The following OSBP2 variants were observed in gnomAD, a reference collection of about 807,000 sequenced individuals.
The protein encoded by OSBP2 is oxysterol binding protein 2.
Under a neutral mutation model 96.0 loss-of-function variants are expected in OSBP2, and 66 were observed. The observed-to-expected ratio is 0.69, with a 90% confidence interval of 0.56 to 0.84. The LOEUF is 0.84. Ranked by LOEUF, OSBP2 falls within the 40% of genes least tolerant of loss-of-function variation. The probability of loss-of-function intolerance (pLI) is 0.00; values close to 1 mark genes in which losing one functional copy is unlikely to be tolerated. For synonymous variants in OSBP2, 525 were observed against 520.9 expected (o/e 1.01, Z -0.11); for missense variants, 1,038 against 1,222.7 (o/e 0.85, Z 2.25).
chr22:30,740,293 C>T (rs12160625), intron 1 of OSBP2, among the ~76,000 whole-genome samples: 3,457 of 152,190 alleles, frequency 0.023, 135 homozygotes, highest in African/African-American at 0.078. Context: ...CAAGATCAGA[C>T]GAGCCAGTTT....
chr22:30,828,640 G>T (rs923740512), intron 2 of OSBP2, among the ~76,000 whole-genome samples: 1 of 152,216 alleles, frequency 6.6e-6, no homozygotes, highest in African/African-American at 2.4e-5. Flanking sequence ...GTGGATTGGG[G>T]GCACTGTATG....
intron 1 of OSBP2, among the ~76,000 whole-genome samples, chr22:30,739,370 C>T (rs754020832): frequency 2.6e-5 from 4 of 152,216 alleles, no homozygotes; most frequent in Non-Finnish European, 5.9e-5. Context: ...ACATTGGCCC[C>T]AGGTGCCTCC....
chr22:30,906,105 G>A, intron 13 of OSBP2, 36 bp downstream of exon 13: 1 of 1,159,260 alleles, frequency 8.6e-7, no homozygotes, highest in Non-Finnish European at 1.2e-6. Context: ...CGGAGGGGAG[G>A]AAAGGGGTGC....
At chr22:30,699,396 C>T (rs1243515855) in intron 1 of OSBP2, among the ~76,000 whole-genome samples, 3 of 152,184 alleles carry the variant, frequency 2.0e-5, no homozygotes, top group Non-Finnish European at 1.5e-5. Context: ...TCACTACAAA[C>T]ATTCTTGTAT....
At chr22:30,902,527 G>A in intron 12 of OSBP2, 1 of 1,422,678 alleles carries the variant, frequency 7.0e-7, no homozygotes, top group Admixed American at 1.7e-5. Context: ...GACTTCTTAG[G>A]AGGCAGGGGA....
At chr22:30,737,768 A>G (rs919809457) in intron 1 of OSBP2, among the ~76,000 whole-genome samples, 2 of 151,376 alleles carry the variant, frequency 1.3e-5, no homozygotes, top group Admixed American at 6.6e-5. Context: ...GCTGGAGTGC[A>G]GTGGCACGAT....
chr22:30,749,539 G>T (rs913687696), intron 2 of OSBP2, among the ~76,000 whole-genome samples: 1 of 152,208 alleles, frequency 6.6e-6, no homozygotes, highest in Non-Finnish European at 1.5e-5. Context: ...AGACCAGGCA[G>T]AACCTGCTTG....
intron 2 of OSBP2, among the ~76,000 whole-genome samples, chr22:30,861,624 G>A (rs2039212891): frequency 6.6e-6 from 1 of 152,176 alleles, no homozygotes. Flanking sequence ...TGAACGTCTC[G>A]GAGTCTTCAG....
At chr22:30,761,719 C>T (rs918508432) in intron 2 of OSBP2, among the ~76,000 whole-genome samples, 6 of 152,116 alleles carry the variant, frequency 3.9e-5, no homozygotes, top group African/African-American at 1.4e-4. Context: ...TTGGCAAACA[C>T]TATATAGATT....
Position 30,881,819 on chromosome 22 carries a change from T to C in OSBP2, c.1108-5607T>C, listed in dbSNP as rs542087324. 1 of 1,303,844 alleles carries C rather than the reference T, an allele frequency of 7.7e-7. No homozygotes were observed. Among genetic ancestry groups the C allele is most frequent in the African/African-American group, 1.5e-5 (1 of 65,974 alleles). The allele number at this position is 1,303,844 out of a possible 1,614,324, so 80.8% of individuals were successfully genotyped here. ...GGACACCAGGTGGGTGCATCCGGGC[T>C]GGGGGAGGTGGACGGGCTCTCTGCA... On this transcript the variant is annotated intron_variant, in intron 3 of 13. Transcript: ENST00000332585. The surrounding 1 kb of genome is among the most constrained non-coding windows in gnomAD (Gnocchi z 4.5).
intron 12 of OSBP2, among the ~76,000 whole-genome samples, chr22:30,896,142 TC>T (rs1264776190): frequency 2.6e-5 from 4 of 151,840 alleles, no homozygotes; most frequent in East Asian, 3.9e-4. Flanking sequence ...GTCTCAGTCT[TC>T]CGAGTAGCTG....
intron 3 of OSBP2, chr22:30,872,666 G>T (rs1001855912): frequency 8.6e-6 from 3 of 348,588 alleles, no homozygotes; most frequent in Non-Finnish European, 1.7e-5. Flanking sequence ...TGCCATGAGG[G>T]CCCCTCCCCA....
chr22:30,756,843 G>C (rs2090146994), intron 2 of OSBP2, among the ~76,000 whole-genome samples: 1 of 152,158 alleles, frequency 6.6e-6, no homozygotes, highest in Admixed American at 6.5e-5. Context: ...TGACCTGTCA[G>C]TTCTGCACCT....
At chr22:30,816,243 G>A (rs1209141276) in intron 2 of OSBP2, among the ~76,000 whole-genome samples, 1 of 152,124 alleles carries the variant, frequency 6.6e-6, no homozygotes, top group African/African-American at 2.4e-5. Context: ...CAATAGATTT[G>A]TATTTTCAAT....
intron 2 of OSBP2, among the ~76,000 whole-genome samples, chr22:30,747,553 A>G (rs1323156957): frequency 2.6e-5 from 4 of 152,212 alleles, no homozygotes; most frequent in Non-Finnish European, 5.9e-5. Context: ...ACACACACGT[A>G]TAAAATTATC....
chr22:30,891,674 C>T (rs2039951602), intron 8 of OSBP2, among the ~76,000 whole-genome samples: 1 of 151,800 alleles, frequency 6.6e-6, no homozygotes, highest in South Asian at 2.1e-4. Flanking sequence ...GGCCAGAACA[C>T]AGGCAGCTTT....
At position 30,905,982 on chromosome 22, in the gene OSBP2, A is replaced by G. The variant is rs2040326073; in HGVS notation, c.2521A>G (p.Lys841Glu). Residue 841 changes from lysine to glutamate, a missense_variant, in exon 13 of 14, where the codon AAG becomes GAG. Around this residue, in one of 3 missense-constraint regions of OSBP2, gnomAD observed 737 missense variants for 913.3 expected, o/e 0.81. Transcript: ENST00000332585. ...CCGTTGGGACGAGGCCAATACCGAG[A>G]AGCAGCGGCTGGAGGAGAAGCAGCG... is the stretch of plus-strand genomic sequence containing the variant. ...KGRWDEANTE[K>E]QRLEEKQRLS... The G allele has an allele frequency of 3.7e-6, 6 of 1,604,506 alleles. No homozygotes were observed. The highest frequency in any genetic ancestry group is 5.1e-6 in the Non-Finnish European group (6 of 1,176,156).
At chr22:30,807,943 G>A (rs1262023336) in intron 2 of OSBP2, among the ~76,000 whole-genome samples, 2 of 152,114 alleles carry the variant, frequency 1.3e-5, no homozygotes, top group African/African-American at 4.8e-5. Context: ...AGGCCACCAT[G>A]CCAAGCTAAT....
At chr22:30,695,682 AG>A (rs1461489008) in intron 1 of OSBP2, 129 bp downstream of exon 1, 1 of 1,475,624 alleles carries the variant, frequency 6.8e-7, no homozygotes, top group Non-Finnish European at 9.0e-7. Context: ...GCATTCCAGC[AG>A]GCCAAGTCAC....
Sources: gnomAD v4.1 joint callset for allele counts (sites outside exome capture counted in the v4.1 genomes callset) on GRCh38, gnomAD v4.1.1 for gene constraint, gnomAD v4.1.1 regional missense constraint, Gnocchi (gnomAD v3.1) non-coding constraint, MANE v1.5 for transcripts, NCBI Gene and HGNC (gene_info 2026-07-23, HGNC 2026-07-21) for gene names.